The following GMDS variants were observed in gnomAD, a reference collection of about 807,000 sequenced individuals.
GMDS encodes the protein GDP-mannose 4,6 dehydratase.
GMDS carries 20 observed loss-of-function variants against 49.9 expected under a neutral mutation model. The ratio of observed to expected loss-of-function variants is 0.40; its 90% CI spans 0.28 to 0.58. The LOEUF (loss-of-function observed/expected upper bound fraction) is 0.58, where lower values mean the gene tolerates loss of function less well. Ranked by LOEUF, GMDS falls within the 20% of genes least tolerant of loss-of-function variation. GMDS has a pLI of 0.42. For missense variants in GMDS, 362 were observed against 481.4 expected, an observed-to-expected ratio of 0.75 and a Z score of 2.32; for synonymous variants, 177 against 178.6, an observed-to-expected ratio of 0.99 and a Z score of 0.07.
chr6:1,896,792 CA>C (rs1760219267), intron 7 of GMDS, among the ~76,000 whole-genome samples: 1 of 152,190 alleles, frequency 6.6e-6, no homozygotes, highest in South Asian at 2.1e-4. Context: ...CAAGTGCCAT[CA>C]AGCGTCTACA....
At chr6:1,818,362 C>A (rs1770753059) in intron 7 of GMDS, among the ~76,000 whole-genome samples, 1 of 152,140 alleles carries the variant, frequency 6.6e-6, no homozygotes, top group African/African-American at 2.4e-5. Flanking sequence ...AATCCCAGCA[C>A]TTTGGGAGGC....
At chr6:1,785,052 T>C (rs1769262835) in intron 7 of GMDS, among the ~76,000 whole-genome samples, 2 of 152,222 alleles carry the variant, frequency 1.3e-5, no homozygotes, top group Non-Finnish European at 2.9e-5. Flanking sequence ...GGTGGCTTTT[T>C]AGTCTAACAG....
intron 4 of GMDS, among the ~76,000 whole-genome samples, chr6:2,028,545 A>C (rs1768755039): frequency 6.6e-6 from 1 of 152,232 alleles, no homozygotes; most frequent in African/African-American, 2.4e-5. Context: ...GTCATTTGGA[A>C]GGGATGTACC....
rs531534127 is a variant in GMDS at position 2,213,102 on chromosome 6, C to T, written c.102+32219G>A. Reference sequence around the variant, plus strand: ...TTGAATTCAATAAAGGGGGCGTGGGCTCTCACTGCTGATCTCTGTCCACAG... The same window carrying T: ...TTGAATTCAATAAAGGGGGCGTGGGTTCTCACTGCTGATCTCTGTCCACAG... On this transcript the variant is annotated intron_variant, in intron 1 of 10. Transcript: ENST00000380815. 1.2e-4 allele frequency among the ~76,000 whole-genome samples: 18 copies of T among 152,222 alleles called. No homozygotes were observed. The East Asian group carries it at 2.1e-3, about 18-fold the overall frequency.
intron 4 of GMDS, among the ~76,000 whole-genome samples, chr6:2,009,459 G>A (rs1415464590): frequency 2.0e-5 from 3 of 152,262 alleles, no homozygotes; most frequent in African/African-American, 7.2e-5. Flanking sequence ...TCCTGTAATT[G>A]CTGTCAAAAG....
At chr6:1,703,888 T>C (rs60550827) in intron 9 of GMDS, among the ~76,000 whole-genome samples, 9,191 of 152,322 alleles carry the variant, frequency 0.06, 697 homozygotes, top group African/African-American at 0.16. Context: ...AGAGTAATCA[T>C]ATTTCTCTTT....
chr6:1,973,217 AG>A (rs1192626015), intron 4 of GMDS, among the ~76,000 whole-genome samples: 1 of 152,214 alleles, frequency 6.6e-6, no homozygotes, highest in Non-Finnish European at 1.5e-5. Flanking sequence ...TCAATGACAA[AG>A]CTCCAAAAGT....
At chr6:1,629,985 G>C (rs1027360018) in intron 9 of GMDS, among the ~76,000 whole-genome samples, 1 of 152,042 alleles carries the variant, frequency 6.6e-6, no homozygotes, top group African/African-American at 2.4e-5. Flanking sequence ...AGCTTAGGGT[G>C]GTAAAAAAAG....
intron 7 of GMDS, among the ~76,000 whole-genome samples, chr6:1,923,305 G>A (rs1761822182): frequency 2.0e-5 from 3 of 152,176 alleles, no homozygotes; most frequent in South Asian, 4.1e-4. Flanking sequence ...AAAAAAAGCT[G>A]TCACACTGGC....
At chr6:2,027,969 T>C (rs1453222761) in intron 4 of GMDS, among the ~76,000 whole-genome samples, 2 of 152,114 alleles carry the variant, frequency 1.3e-5, no homozygotes, top group Admixed American at 6.6e-5. Flanking sequence ...CTAGTGTCTA[T>C]AGTTCTTTGA....
rs7758041 is a variant in GMDS at position 1,876,547 on chromosome 6, G to A, written c.771+53556C>T. On this transcript the variant is annotated intron_variant, in intron 7 of 10. Coordinates refer to ENST00000380815, the MANE Select transcript of GMDS (RefSeq NM_001500.4). ...AGAGAGGAGGTTTGAGTAGAAAGAC[G>A]AGGGTTCATGCCTAGCTCTTAGACA... is the stretch of plus-strand genomic sequence containing the variant. 4.5e-3 allele frequency among the ~76,000 whole-genome samples: 686 copies of A among 152,266 alleles called. 4 individuals carry two copies. The highest frequency in any genetic ancestry group is 0.015 in the African/African-American group (643 of 41,550).
chr6:1,767,444 C>T (rs979313796), intron 7 of GMDS, among the ~76,000 whole-genome samples: 2 of 152,082 alleles, frequency 1.3e-5, no homozygotes, highest in Admixed American at 6.5e-5. Flanking sequence ...AACCTTATGC[C>T]CTGTCCATCT....
rs1204288229 is a variant in GMDS, at chr6:1,667,704, CT to C, written c.988-43165del. 1.5e-4 allele frequency among the ~76,000 whole-genome samples: 18 copies of C among 121,608 alleles called. No homozygotes were observed. In the Middle Eastern group the frequency reaches 0.012, roughly 82 times the overall value. 79.8% of individuals were successfully genotyped at this position (121,608 alleles called of 152,430 possible). A position where few individuals can be genotyped will look rare whatever the true frequency, so the allele number is the denominator to read the frequency against. ...AATGGGCACTTTTGTATTTTTTTTT[CT>C]TTTTTTTTTGGTCTGAGACACTTTT... On this transcript the variant is annotated intron_variant, in intron 9 of 10. Transcript: ENST00000380815.
At position 2,124,706 on chromosome 6, in the gene GMDS, A is replaced by T; in HGVS notation, c.128T>A (p.Leu43Gln). The change falls in exon 2 of 11, where the codon CTG (leucine) becomes CAG (glutamine). Residue 43 changes from leucine to glutamine, a missense_variant. Coordinates refer to ENST00000380815, the MANE Select transcript of GMDS (RefSeq NM_001500.4). The stretch of plus-strand genomic sequence containing the variant: ...ACCCACCTCATAGCCTTTCTCCAGC[A>T]GGAACTCAGCCAGGTAGGAACCATC... ...GQDGSYLAEFLLEKGYEVHGI... is the reference protein window; with the variant it reads ...GQDGSYLAEFQLEKGYEVHGI... 1 of 1,613,884 alleles carries T rather than the reference A, an allele frequency of 6.2e-7. No individual in the cohort carries two copies. The highest frequency in any genetic ancestry group is 8.5e-7 in the Non-Finnish European group (1 of 1,179,834).
intron 1 of GMDS, among the ~76,000 whole-genome samples, chr6:2,158,563 T>C (rs1481577619): frequency 6.6e-6 from 1 of 152,216 alleles, no homozygotes; most frequent in Admixed American, 6.5e-5. Flanking sequence ...GACATCAAAA[T>C]AGGAACTTCC....
chr6:1,854,534 G>A (rs1475577494), intron 7 of GMDS, among the ~76,000 whole-genome samples: 1 of 152,208 alleles, frequency 6.6e-6, no homozygotes, highest in East Asian at 1.9e-4. Context: ...GGAGACATCT[G>A]TGATTGTCAC....
At chr6:2,088,783 GAGCTGA>G (rs1213907143) in intron 4 of GMDS, among the ~76,000 whole-genome samples, 29 of 152,138 alleles carry the variant, frequency 1.9e-4, no homozygotes, top group Non-Finnish European at 3.2e-4. Flanking sequence ...ACCACCAAGA[GAGCTGA>G]AGCTCAGATA....
intron 7 of GMDS, among the ~76,000 whole-genome samples, chr6:1,863,122 G>A (rs780436004): frequency 2.2e-4 from 33 of 152,102 alleles, no homozygotes; most frequent in Admixed American, 2.0e-3. Flanking sequence ...GTTTCTGATT[G>A]TTATCTGTTG....
intron 7 of GMDS, among the ~76,000 whole-genome samples, chr6:1,908,318 C>G (rs1049998458): frequency 6.6e-6 from 1 of 152,212 alleles, no homozygotes; most frequent in African/African-American, 2.4e-5. Flanking sequence ...TGACTGCGGA[C>G]AGGTGAAACC....
Sources: allele counts gnomAD v4.1 joint callset (sites outside exome capture counted in the v4.1 genomes callset), GRCh38; gene constraint gnomAD v4.1.1; transcripts MANE v1.5; gene names NCBI Gene and HGNC (gene_info 2026-07-23, HGNC 2026-07-21).